The following LMNTD1 variants were observed in gnomAD, a reference collection of about 807,000 sequenced individuals.
LMNTD1 encodes the protein lamin tail domain containing 1.
In LMNTD1, 35 loss-of-function variants were observed where a neutral mutation model predicts 50.9. That is an observed-to-expected ratio of 0.69 (90% CI 0.53 to 0.91). The LOEUF (loss-of-function observed/expected upper bound fraction) is 0.91, where lower values mean the gene tolerates loss of function less well. Among genes scored for constraint, LMNTD1 ranks in the 40% least tolerant of loss-of-function variants. The pLI, the probability that LMNTD1 is intolerant of heterozygous loss-of-function variation, is 0.00. For missense variants in LMNTD1, 470 were observed against 475.5 expected, an observed-to-expected ratio of 0.99 and a Z score of 0.11; for synonymous variants, 153 against 161.9, an observed-to-expected ratio of 0.94 and a Z score of 0.42.
intron 6 of LMNTD1, 101 bp from the exon 7 acceptor site, chr12:25,520,176 A>ATATATATATATATATATATAT (rs1285858255): frequency 4.6e-6 from 1 of 218,178 alleles, no homozygotes; most frequent in Non-Finnish European, 8.6e-6. Flanking sequence ...ATATATATAT[A>ATATATATATATATATATATAT]GTAAAATGGT....
rs1409725670 is a variant in LMNTD1, at chr12:25,519,586, TCAAAAA to T, written c.1016+266_1016+271del. ...CTGGGTGACAGAGCGAGACTCTGTC[TCAAAAA>T]AAAAAAAAAAAAAAAAGTGAAATGG... On this transcript the variant is annotated intron_variant, in intron 7 of 9. Transcript: ENST00000458174. 2.1e-4 allele frequency among the ~76,000 whole-genome samples: 16 copies of T among 74,956 alleles called. 2 individuals carry two copies. The South Asian group carries it at 2.1e-3, about 10-fold the overall frequency. 49.2% of individuals were successfully genotyped at this position (74,956 alleles called of 152,430 possible).
intron 4 of LMNTD1, among the ~76,000 whole-genome samples, chr12:25,535,541 AATG>A (rs1459719342): frequency 6.6e-6 from 1 of 152,160 alleles, no homozygotes; most frequent in Admixed American, 6.5e-5. Context: ...TCCCAAAAAT[AATG>A]ATAATGAGAA....
intron 1 of LMNTD1, among the ~76,000 whole-genome samples, chr12:25,564,503 T>A (rs570948559): frequency 6.6e-6 from 1 of 152,284 alleles, no homozygotes; most frequent in African/African-American, 2.4e-5. Context: ...GTGATCCACC[T>A]ACCTCAGCCT....
At position 25,523,114 on chromosome 12, in the gene LMNTD1, A is replaced by G. The variant is rs151185721; in HGVS notation, c.798+2985T>C. Among the ~76,000 whole-genome samples, 703 of 152,070 alleles carry G rather than the reference A, an allele frequency of 4.6e-3. 3 individuals are homozygous for G. The highest frequency in any genetic ancestry group is 7.9e-3 in the South Asian group (38 of 4,802). On this transcript the variant is annotated intron_variant, in intron 6 of 9. Transcript: ENST00000458174. ...AGTGGTGCAATCTTGGCTCACTGCA[A>G]CCTCCGCCTCCCAGGTTCAAGCAAT...
At chr12:25,497,022 A>T (rs1939099593) in intron 9 of LMNTD1, among the ~76,000 whole-genome samples, 1 of 152,074 alleles carries the variant, frequency 6.6e-6, no homozygotes, top group South Asian at 2.1e-4. Context: ...TCCACGTTGT[A>T]GCATGTATTA....
At chr12:25,497,215 A>T (rs1269943045) in intron 9 of LMNTD1, among the ~76,000 whole-genome samples, 1 of 152,080 alleles carries the variant, frequency 6.6e-6, no homozygotes, top group Non-Finnish European at 1.5e-5. Flanking sequence ...GAAAAACTCC[A>T]ATCAGCCTGC....
At position 25,644,777 on chromosome 12, in the gene LMNTD1, T is replaced by C. The variant is rs1413506620; in HGVS notation, c.58+3717A>G. Among the ~76,000 whole-genome samples the C allele has an allele frequency of 3.3e-5, 5 of 151,992 alleles. No homozygotes were observed. In the East Asian group the frequency reaches 9.7e-4, roughly 29 times the overall value. On this transcript the variant is annotated intron_variant, in intron 1 of 7. Transcript: ENST00000445693. ...CTTGGAAAGGTGAGGGTGGGTAGGATCAGAGTAGGACCGGAAGGATTCACC... is the reference window on the plus strand; with the variant it reads ...CTTGGAAAGGTGAGGGTGGGTAGGACCAGAGTAGGACCGGAAGGATTCACC...
chr12:25,495,868 G>A (rs1478726156), intron 9 of LMNTD1, among the ~76,000 whole-genome samples: 1 of 152,092 alleles, frequency 6.6e-6, no homozygotes, highest in Non-Finnish European at 1.5e-5. Flanking sequence ...TCTTGCAAGG[G>A]CAAAGGTTAT....
In LMNTD1 at chr12:25,503,797, G is replaced by T. The variant is rs550227962; in HGVS notation, c.1193C>A (p.Ser398Tyr). 1.9e-6 allele frequency: 3 copies of T among 1,567,930 alleles called. No homozygotes were observed. Among genetic ancestry groups the T allele is most frequent in the Admixed American group, 3.6e-5 (2 of 55,896 alleles). ...RSTRPNRASG[S>Y]KKKKTSESQK... ...TGACTCAGATGTCTTCTTTTTCTTA[G>T]ACCCTGAAAATTAAAAAAAATAATT... The change falls in exon 9 of 10, where the codon TCT becomes TAT. Residue 398 changes from serine (S) to tyrosine (Y), a missense_variant. Transcript: ENST00000458174.
At chr12:25,530,180 T>A (rs1356726724) in intron 4 of LMNTD1, among the ~76,000 whole-genome samples, 1 of 152,178 alleles carries the variant, frequency 6.6e-6, no homozygotes, top group African/African-American at 2.4e-5. Context: ...CTTTTCTGAA[T>A]TTACATTTTT....
At chr12:25,511,159 T>C (rs1940260190) in intron 8 of LMNTD1, among the ~76,000 whole-genome samples, 1 of 152,120 alleles carries the variant, frequency 6.6e-6, no homozygotes, top group African/African-American at 2.4e-5. Context: ...GATTAAAGCA[T>C]AGAATGCAAG....
intron 1 of LMNTD1, among the ~76,000 whole-genome samples, chr12:25,562,212 T>A (rs1235842330): frequency 6.6e-6 from 1 of 152,242 alleles, no homozygotes; most frequent in African/African-American, 2.4e-5. Context: ...TCATTATTGA[T>A]GTAGTTTCTT....
At position 25,610,552 on chromosome 12, in the gene LMNTD1, A is replaced by T. The variant is rs1946217137; in HGVS notation, c.58+37942T>A. On this transcript the variant is annotated intron_variant, in intron 1 of 7. Coordinates refer to the LMNTD1 transcript ENST00000445693. Reference sequence around the variant, plus strand: ...TGTTTTTTACAGCTGGCAGTGGGTTAAGGATGGATCAAAGAAAGAGAAGAA... The same window carrying T: ...TGTTTTTTACAGCTGGCAGTGGGTTTAGGATGGATCAAAGAAAGAGAAGAA... 2.0e-5 allele frequency among the ~76,000 whole-genome samples: 3 copies of T among 152,190 alleles called. No homozygotes were observed. The South Asian group carries it at 6.2e-4, about 32-fold the overall frequency.
At chr12:25,615,032 C>T (rs1484358220) in intron 1 of LMNTD1, among the ~76,000 whole-genome samples, 1 of 152,132 alleles carries the variant, frequency 6.6e-6, no homozygotes, top group Non-Finnish European at 1.5e-5. Flanking sequence ...ACCCTATCTG[C>T]ATCACCGTCA....
upstream of LMNTD1, among the ~76,000 whole-genome samples, chr12:25,556,356 G>A (rs551440473): frequency 1.3e-5 from 2 of 152,306 alleles, no homozygotes; most frequent in South Asian, 2.1e-4. Context: ...GAAGTTCCAA[G>A]AGATGAAATA....
At chr12:25,544,642 T>C (rs1449730321) in intron 4 of LMNTD1, among the ~76,000 whole-genome samples, 2 of 151,990 alleles carry the variant, frequency 1.3e-5, no homozygotes, top group East Asian at 3.9e-4. Flanking sequence ...TATTACTATA[T>C]TCTTTTGTGG....
In LMNTD1 at chr12:25,610,209, G is replaced by A. The variant is rs1946210687; in HGVS notation, c.58+38285C>T. ...ACTGTTGGAAAAGTGCAGTGTCTAG[G>A]TGGCAGAGTCCCAATTTTCCCAGTA... On this transcript the variant is annotated intron_variant, in intron 1 of 7. Transcript: ENST00000445693. Among the ~76,000 whole-genome samples the A allele has an allele frequency of 3.3e-5, 5 of 152,176 alleles. 1 individual carries two copies. The South Asian group carries it at 1.0e-3, about 32-fold the overall frequency.
chr12:25,640,289 T>C (rs2136622583), intron 1 of LMNTD1, among the ~76,000 whole-genome samples: 1 of 152,124 alleles, frequency 6.6e-6, no homozygotes, highest in South Asian at 2.1e-4. Flanking sequence ...GCGGGCAGAT[T>C]GCTTGAGTCC....
Position 25,518,937 on chromosome 12 carries a change from A to G in LMNTD1, c.1047T>C (p.Pro349=), listed in dbSNP as rs34028410. The G allele has an allele frequency of 3.1e-3, 5,060 of 1,614,136 alleles. 148 individuals are homozygous for G. The African/African-American group carries it at 0.059, about 19-fold the overall frequency. ...REKEIPPTVF[P]NRSPWCQNPY... ...GATTCTGGCACCAAGGGCTGCGATT[A>G]GGGAAAACGGTTGGTGGGATTTCCT... is the stretch of plus-strand genomic sequence containing the variant. Residue 349 remains proline (P), a synonymous_variant, in exon 8 of 10, where the codon CCT becomes CCC. Coordinates refer to ENST00000458174, the MANE Select transcript of LMNTD1 (RefSeq NM_001145728.2).
Sources: gnomAD v4.1 joint callset for allele counts (sites outside exome capture counted in the v4.1 genomes callset) on GRCh38, gnomAD v4.1.1 for gene constraint, MANE v1.5 for transcripts, NCBI Gene and HGNC (gene_info 2026-07-23, HGNC 2026-07-21) for gene names.